PAK1: variants seen among roughly 807,000 people sequenced by gnomAD.
The protein encoded by PAK1 is p21 (RAC1) activated kinase 1.
A neutral mutation model predicts 67.4 loss-of-function variants in PAK1; 29 were observed. That is an observed-to-expected ratio of 0.43 (90% CI 0.32 to 0.59). PAK1 has a LOEUF of 0.59. PAK1 is among the 20% of genes least tolerant of loss of function. The pLI, the probability that PAK1 is intolerant of heterozygous loss-of-function variation, is 0.07. For missense variants in PAK1, 337 were observed against 670.7 expected (o/e 0.50, Z 5.50); for synonymous variants, 223 against 237.4 (o/e 0.94, Z 0.56).
chr11:77,374,295 GC>G, intron 5 of PAK1, 32 bp downstream of exon 5: 1 of 1,443,250 alleles, frequency 6.9e-7, no homozygotes, highest in Non-Finnish European at 9.8e-7. Flanking sequence ...CTCCACATCT[GC>G]CCACATCAAA....
chr11:77,459,809 G>C (rs1051455782), intron 1 of PAK1, among the ~76,000 whole-genome samples: 6 of 139,036 alleles, frequency 4.3e-5, no homozygotes, highest in Non-Finnish European at 8.2e-5. Flanking sequence ...TCTCCTGCCT[G>C]AGCCACCCCC....
chr11:77,334,850 T>C lies in PAK1; in HGVS notation c.1413+1236A>G, dbSNP rs1591713596. 2.0e-5 allele frequency among the ~76,000 whole-genome samples: 3 copies of C among 152,332 alleles called. No individual in the cohort carries two copies. In the South Asian group the frequency reaches 6.2e-4, roughly 32 times the overall value. On this transcript the variant is annotated intron_variant, in intron 13 of 14. Coordinates refer to ENST00000356341, the MANE Select transcript of PAK1 (RefSeq NM_002576.5). ...AGAGAAAAAAAAACCTGTTTATACA[T>C]GCCATCTCAATGTCCTCTTCTTCCA... is the stretch of plus-strand genomic sequence containing the variant.
At chr11:77,489,840 GC>G in the PAK1 span, among the ~76,000 whole-genome samples, 3 of 152,142 alleles carry the variant, frequency 2.0e-5, no homozygotes, top group African/African-American at 7.2e-5. Flanking sequence ...CTCCCAAAGT[GC>G]CGAGATTGCA....
chr11:77,508,885 C>G, the PAK1 span, among the ~76,000 whole-genome samples: 1 of 148,892 alleles, frequency 6.7e-6, no homozygotes, highest in East Asian at 2.0e-4. Context: ...TGGCCTCGAT[C>G]TCCTGACCTA....
At chr11:77,508,177 G>A in the PAK1 span, among the ~76,000 whole-genome samples, 59 of 152,268 alleles carry the variant, frequency 3.9e-4, no homozygotes, top group African/African-American at 1.4e-3. Flanking sequence ...TATTTTAGTA[G>A]CTCGATTTCA....
At chr11:77,383,130 G>A (rs150504864) in intron 2 of PAK1, among the ~76,000 whole-genome samples, 166 of 152,288 alleles carry the variant, frequency 1.1e-3, no homozygotes, top group African/African-American at 3.9e-3. Context: ...ACCTGATCAA[G>A]TCTTTCACTC....
chr11:77,524,517 T>C, the PAK1 span, among the ~76,000 whole-genome samples: 1 of 152,250 alleles, frequency 6.6e-6, no homozygotes, highest in Non-Finnish European at 1.5e-5. Context: ...TGCCATCTTC[T>C]TTGAGAAACT....
intron 1 of PAK1, among the ~76,000 whole-genome samples, chr11:77,465,590 C>T (rs1047008013): frequency 1.3e-5 from 2 of 151,798 alleles, no homozygotes; most frequent in African/African-American, 4.8e-5. Flanking sequence ...AAAATCTATC[C>T]TGGATACCAA....
chr11:77,482,288 C>A, the PAK1 span, among the ~76,000 whole-genome samples: 4 of 78,114 alleles, frequency 5.1e-5, no homozygotes, highest in Admixed American at 8.1e-4. Flanking sequence ...CACGCCCGGC[C>A]TATTTTGCTT....
chr11:77,399,154 T>C (rs989809968), intron 1 of PAK1, among the ~76,000 whole-genome samples: 13 of 151,890 alleles, frequency 8.6e-5, no homozygotes, highest in African/African-American at 2.7e-4. Flanking sequence ...CAAGAACAAA[T>C]AGATGAAGGA....
chr11:77,400,043 T>G (rs1460637035), intron 1 of PAK1, among the ~76,000 whole-genome samples: 1 of 152,052 alleles, frequency 6.6e-6, no homozygotes, highest in Non-Finnish European at 1.5e-5. Context: ...TTTTACCTAA[T>G]AAAATGTTGA....
chr11:77,513,661 A>C, the PAK1 span, among the ~76,000 whole-genome samples: 1 of 108,266 alleles, frequency 9.2e-6, no homozygotes, highest in Admixed American at 1.2e-4. Flanking sequence ...ACAAAGTGAG[A>C]CTCTGTCTCA....
the PAK1 span, among the ~76,000 whole-genome samples, chr11:77,493,339 C>T: frequency 3.5e-5 from 5 of 143,734 alleles, no homozygotes; most frequent in South Asian, 2.3e-4. Flanking sequence ...GCTGCAGTGG[C>T]GTGATCTTGG....
At chr11:77,372,346 T>G (rs909683880) in intron 5 of PAK1, among the ~76,000 whole-genome samples, 1 of 152,216 alleles carries the variant, frequency 6.6e-6, no homozygotes, top group African/African-American at 2.4e-5. Flanking sequence ...GGGAATCAGA[T>G]GCCTATTGCC....
At chr11:77,370,949 G>T (rs1948345965) in intron 5 of PAK1, among the ~76,000 whole-genome samples, 1 of 152,148 alleles carries the variant, frequency 6.6e-6, no homozygotes, top group South Asian at 2.1e-4. Context: ...TGTTCATGCT[G>T]TCCATCAGAC....
chr11:77,352,628 C>A (rs1945420345), intron 8 of PAK1, among the ~76,000 whole-genome samples: 1 of 152,190 alleles, frequency 6.6e-6, no homozygotes, highest in Admixed American at 6.5e-5. Context: ...TCACCTAGAG[C>A]AACTTCCAGT....
chr11:77,525,319 G>T, the PAK1 span, among the ~76,000 whole-genome samples: 1 of 151,414 alleles, frequency 6.6e-6, no homozygotes, highest in Non-Finnish European at 1.5e-5. Context: ...GACAGAGCCA[G>T]ACCGTGTCTC....
the PAK1 span, among the ~76,000 whole-genome samples, chr11:77,483,294 G>A: frequency 3.3e-5 from 5 of 151,810 alleles, no homozygotes; most frequent in Admixed American, 6.6e-5. Flanking sequence ...ATCAGATAAC[G>A]GCATGTTCGT....
At chr11:77,459,237 G>A (rs1030470225) in intron 1 of PAK1, among the ~76,000 whole-genome samples, 2 of 152,126 alleles carry the variant, frequency 1.3e-5, no homozygotes, top group African/African-American at 4.8e-5. Context: ...TGGCTTTTGG[G>A]AAGAACAGTG....
Sources: allele counts gnomAD v4.1 joint callset (sites outside exome capture counted in the v4.1 genomes callset), GRCh38; gene constraint gnomAD v4.1.1; transcripts MANE v1.5; gene names NCBI Gene and HGNC (gene_info 2026-07-23, HGNC 2026-07-21).